SPIDR: variants seen among roughly 807,000 people sequenced by gnomAD.
SPIDR encodes the protein scaffold protein involved in DNA repair, also known as DNA repair-scaffolding protein.
In SPIDR, 93 loss-of-function variants were observed where a neutral mutation model predicts 104.6. That is an observed-to-expected ratio of 0.89 (90% confidence interval 0.75 to 1.06). The LOEUF is 1.06. SPIDR is among the 50% of genes least tolerant of loss of function. The pLI, the probability that SPIDR is intolerant of heterozygous loss-of-function variation, is 0.00. For missense variants in SPIDR, 1,154 were observed against 1,111.2 expected (o/e 1.04, Z -0.55); for synonymous variants, 431 against 416.9 (o/e 1.03, Z -0.41).
rs185780129 is a variant in SPIDR, at chr8:47,533,988, C to T, written c.1098-61823C>T. Among the ~76,000 whole-genome samples the T allele has an allele frequency of 8.5e-5, 13 of 152,302 alleles. No individual in the cohort carries two copies. In the East Asian group the frequency reaches 1.2e-3, roughly 14 times the overall value. Reference sequence around the variant, plus strand: ...TGTAATAATCCCCACGTGTCAAGGGCGGGACCAGGTGGAGGTAATTGAATC... The same window carrying T: ...TGTAATAATCCCCACGTGTCAAGGGTGGGACCAGGTGGAGGTAATTGAATC... On this transcript the variant is annotated intron_variant, in intron 8 of 19. Transcript: ENST00000297423.
chr8:47,453,988 G>GGA (rs201266436), intron 8 of SPIDR, among the ~76,000 whole-genome samples: 6,141 of 151,998 alleles, frequency 0.04, 363 homozygotes, highest in African/African-American at 0.13. Context: ...AACAGGTGCT[G>GGA]GAGGATGTGG....
intron 10 of SPIDR, among the ~76,000 whole-genome samples, chr8:47,613,275 T>C (rs2154431795): frequency 6.6e-6 from 1 of 152,376 alleles, no homozygotes; most frequent in South Asian, 2.1e-4. Flanking sequence ...TCTGGCTTCT[T>C]AAACTTAGGA....
At chr8:47,387,997 C>T (rs1353593561) in intron 5 of SPIDR, among the ~76,000 whole-genome samples, 2 of 152,204 alleles carry the variant, frequency 1.3e-5, no homozygotes, top group Non-Finnish European at 2.9e-5. Context: ...TCTAAACTCT[C>T]AGTTGTCTAG....
intron 5 of SPIDR, among the ~76,000 whole-genome samples, chr8:47,353,231 A>G (rs1403373850): frequency 6.6e-6 from 1 of 152,164 alleles, no homozygotes; most frequent in Admixed American, 6.6e-5. Context: ...GCATACTTAT[A>G]TATACGCCAG....
chr8:47,623,699 A>G (rs983229468), intron 10 of SPIDR, among the ~76,000 whole-genome samples: 2 of 152,234 alleles, frequency 1.3e-5, no homozygotes, highest in African/African-American at 4.8e-5. Context: ...TATCTGAAAT[A>G]TATATGCACC....
intron 5 of SPIDR, among the ~76,000 whole-genome samples, chr8:47,395,346 C>T (rs2061134684): frequency 6.6e-6 from 1 of 151,932 alleles, no homozygotes; most frequent in East Asian, 1.9e-4. Flanking sequence ...GAGACTCCAT[C>T]TCAAAGAAAA....
intron 5 of SPIDR, among the ~76,000 whole-genome samples, chr8:47,322,129 A>G (rs547940557): frequency 6.6e-6 from 1 of 152,328 alleles, no homozygotes; most frequent in South Asian, 2.1e-4. Flanking sequence ...TCTGCACAGC[A>G]AAAGAAACTA....
chr8:47,588,026 C>CATATAT (rs71548440), intron 8 of SPIDR, among the ~76,000 whole-genome samples: 3 of 23,430 alleles, frequency 1.3e-4, no homozygotes, highest in African/African-American at 1.4e-4. Flanking sequence ...TTAAAATTAG[C>CATATAT]ATATATATAT....
chr8:47,713,391 AC>A lies in SPIDR; in HGVS notation c.2189-96del, dbSNP rs897832042. ...GACACAGTCCCATAACTGCACCTTC[AC>A]CTGCATGACTCGAGGGGTAGCAAAG... is the stretch of plus-strand genomic sequence containing the variant. On this transcript the variant is annotated intron_variant, in intron 15 of 19. Coordinates refer to ENST00000297423, the MANE Select transcript of SPIDR (RefSeq NM_001080394.4). The A allele has an allele frequency of 6.5e-6, 10 of 1,538,830 alleles. No individual in the cohort carries two copies. The South Asian group carries it at 1.1e-4, about 17-fold the overall frequency.
Position 47,322,924 on chromosome 8 carries a change from G to A in SPIDR, c.525+28894G>A, listed in dbSNP as rs187701350. Among the ~76,000 whole-genome samples, 278 of 152,006 alleles carry A rather than the reference G, an allele frequency of 1.8e-3. 1 individual carries two copies. The highest frequency in any genetic ancestry group is 3.3e-3 in the Non-Finnish European group (222 of 67,986). Reference sequence around the variant, plus strand: ...GGGCACAAGAAGGGGAACATCATACGCCGGGGCCTGTTGTCGGGTGGGGGC... The same window carrying A: ...GGGCACAAGAAGGGGAACATCATACACCGGGGCCTGTTGTCGGGTGGGGGC... On this transcript the variant is annotated intron_variant, in intron 5 of 19. Coordinates refer to ENST00000297423, the MANE Select transcript of SPIDR (RefSeq NM_001080394.4).
intron 8 of SPIDR, among the ~76,000 whole-genome samples, chr8:47,459,443 A>G (rs1429510549): frequency 2.6e-5 from 4 of 152,062 alleles, no homozygotes; most frequent in African/African-American, 4.8e-5. Flanking sequence ...TAGTAGCCTT[A>G]GATAATCTTT....
At chr8:47,632,860 T>G (rs1017911605) in intron 10 of SPIDR, among the ~76,000 whole-genome samples, 2 of 152,148 alleles carry the variant, frequency 1.3e-5, no homozygotes, top group Non-Finnish European at 2.9e-5. Flanking sequence ...TCTCCAAGGG[T>G]GGGTGAGTTC....
intron 11 of SPIDR, among the ~76,000 whole-genome samples, chr8:47,687,720 G>A (rs2078005166): frequency 6.6e-6 from 1 of 152,188 alleles, no homozygotes; most frequent in Admixed American, 6.5e-5. Context: ...ACTTCTGAGA[G>A]TGTTTCCATG....
chr8:47,456,323 C>T (rs555416696), intron 8 of SPIDR, among the ~76,000 whole-genome samples: 14 of 152,208 alleles, frequency 9.2e-5, no homozygotes, highest in African/African-American at 3.4e-4. Context: ...GGAGAGAGGC[C>T]TCAGAATAAA....
intron 5 of SPIDR, among the ~76,000 whole-genome samples, chr8:47,299,616 A>G (rs1465338974): frequency 2.0e-5 from 3 of 152,294 alleles, no homozygotes; most frequent in South Asian, 2.1e-4. Flanking sequence ...TTATTTTGAG[A>G]TACGTCCCAT....
At chr8:47,729,204 G>A (rs1041904423) in intron 18 of SPIDR, 157 bp downstream of exon 18, 2 of 1,504,256 alleles carry the variant, frequency 1.3e-6, no homozygotes, top group African/African-American at 2.8e-5. Context: ...TAGGTCCTAG[G>A]AGCTTCCCTA....
intron 8 of SPIDR, among the ~76,000 whole-genome samples, chr8:47,484,669 T>TA (rs1398825643): frequency 6.6e-6 from 1 of 152,204 alleles, no homozygotes; most frequent in African/African-American, 2.4e-5. Flanking sequence ...AAAAAGCTGA[T>TA]ACCAGACACA....
intron 10 of SPIDR, among the ~76,000 whole-genome samples, chr8:47,600,731 T>G (rs751454170): frequency 2.2e-4 from 33 of 152,192 alleles, no homozygotes; most frequent in Non-Finnish European, 1.0e-4. Flanking sequence ...TTTGTTTTGC[T>G]TGGCCTTTTT....
At chr8:47,595,056 A>C (rs2061493899) in intron 8 of SPIDR, among the ~76,000 whole-genome samples, 1 of 152,084 alleles carries the variant, frequency 6.6e-6, no homozygotes, top group African/African-American at 2.4e-5. Flanking sequence ...TCATTCCTGA[A>C]GTCCTGAGGT....
Sources: gnomAD v4.1 joint callset for allele counts (sites outside exome capture counted in the v4.1 genomes callset) on GRCh38, gnomAD v4.1.1 for gene constraint, MANE v1.5 for transcripts, NCBI Gene and HGNC (gene_info 2026-07-23, HGNC 2026-07-21) for gene names.